The following ATG10 variants were observed in gnomAD, a reference collection of about 807,000 sequenced individuals.
The protein encoded by ATG10 is ubiquitin-like-conjugating enzyme ATG10.
Under a neutral mutation model 32.1 loss-of-function variants are expected in ATG10, and 30 were observed. That is an observed-to-expected ratio of 0.94 (90% confidence interval 0.70 to 1.27). The LOEUF is 1.27. Among genes scored for constraint, ATG10 ranks in the 50% most tolerant of loss-of-function variants. ATG10 has a pLI of 0.00. For synonymous variants in ATG10, 87 were observed against 91.5 expected, an observed-to-expected ratio of 0.95 and a Z score of 0.28; for missense variants, 233 against 262.3, an observed-to-expected ratio of 0.89 and a Z score of 0.77.
At chr5:82,118,847 A>G (rs902227272) in intron 3 of ATG10, among the ~76,000 whole-genome samples, 7 of 152,164 alleles carry the variant, frequency 4.6e-5, no homozygotes, top group Non-Finnish European at 1.0e-4. Context: ...GGAGCTAACA[A>G]AGCAACTGAG....
chr5:82,104,094 A>T (rs897663095), intron 3 of ATG10, among the ~76,000 whole-genome samples: 2 of 152,096 alleles, frequency 1.3e-5, no homozygotes, highest in Non-Finnish European at 2.9e-5. Context: ...CTACAAAATG[A>T]TAGATGTTTA....
In ATG10 at chr5:81,972,306, G is replaced by T. The variant is rs1476303387; in HGVS notation, c.-13G>T. On this transcript the variant is annotated splice_region_variant and 5_prime_UTR_variant, in exon 1 of 8. Coordinates refer to ENST00000282185, the MANE Select transcript of ATG10 (RefSeq NM_031482.5). ...CGGGGTCAGGGGCCGAGCGGAGAGG[G>T]GTGAGTATTCCCCACAGCCCTTGCC... The T allele has an allele frequency of 3.9e-5, 6 of 152,434 alleles. No homozygotes were observed. Among genetic ancestry groups the T allele is most frequent in the African/African-American group, 1.4e-4 (6 of 41,460 alleles). 9.4% of individuals were successfully genotyped at this position (152,434 alleles called of 1,614,324 possible). A position where few individuals can be genotyped will look rare whatever the true frequency, so the allele number is the denominator to read the frequency against.
At chr5:81,993,042 T>G (rs1189546046) in intron 2 of ATG10, among the ~76,000 whole-genome samples, 1 of 152,174 alleles carries the variant, frequency 6.6e-6, no homozygotes, top group African/African-American at 2.4e-5. Context: ...GTTACACCCA[T>G]TGTTTACCAT....
At chr5:82,078,224 G>T (rs1764343197) in intron 3 of ATG10, among the ~76,000 whole-genome samples, 1 of 152,086 alleles carries the variant, frequency 6.6e-6, no homozygotes, top group African/African-American at 2.4e-5. Context: ...TGCAGTAAAG[G>T]CTTTTAGTAC....
chr5:81,998,609 G>T (rs1761737228), intron 2 of ATG10, among the ~76,000 whole-genome samples: 1 of 152,118 alleles, frequency 6.6e-6, no homozygotes, highest in Non-Finnish European at 1.5e-5. Context: ...GGGTAAAGAA[G>T]CAAGACCCAA....
intron 1 of ATG10, 118 bp downstream of exon 1, chr5:81,972,424 C>T (rs571047243): frequency 3.9e-5 from 6 of 152,510 alleles, no homozygotes; most frequent in African/African-American, 1.4e-4. Context: ...GGAAACAGCC[C>T]AGTCCTGAAC....
intron 2 of ATG10, among the ~76,000 whole-genome samples, chr5:82,055,369 A>G (rs1719203585): frequency 6.6e-6 from 1 of 152,140 alleles, no homozygotes; most frequent in Non-Finnish European, 1.5e-5. Context: ...GTATTATTGA[A>G]AGTGACATAT....
chr5:82,127,446 T>G (rs1048029698), intron 3 of ATG10, among the ~76,000 whole-genome samples: 3 of 152,188 alleles, frequency 2.0e-5, no homozygotes, highest in Admixed American at 1.3e-4. Context: ...CTCTAAGCAC[T>G]GCTTTAGTTG....
intron 2 of ATG10, among the ~76,000 whole-genome samples, chr5:82,003,789 A>G (rs950901131): frequency 5.9e-5 from 9 of 152,246 alleles, no homozygotes; most frequent in African/African-American, 2.2e-4. Flanking sequence ...TGGTAACCAA[A>G]TAGCCTGATT....
intron 4 of ATG10, among the ~76,000 whole-genome samples, chr5:82,173,157 G>A (rs1743868190): frequency 6.6e-6 from 1 of 152,068 alleles, no homozygotes; most frequent in Non-Finnish European, 1.5e-5. Flanking sequence ...TTCATTTTAG[G>A]AGTTAAAAAA....
At chr5:82,197,510 A>G (rs1384714947) in intron 5 of ATG10, among the ~76,000 whole-genome samples, 1 of 151,820 alleles carries the variant, frequency 6.6e-6, no homozygotes, top group Non-Finnish European at 1.5e-5. Context: ...CTGCCTATCT[A>G]CCTATCTGTC....
At chr5:82,103,992 A>G (rs923490237) in intron 3 of ATG10, among the ~76,000 whole-genome samples, 2 of 152,160 alleles carry the variant, frequency 1.3e-5, no homozygotes, top group African/African-American at 2.4e-5. Context: ...TTTTGTTTGT[A>G]AAATTCATCA....
At chr5:81,975,255 G>C (rs1480447153) in intron 1 of ATG10, among the ~76,000 whole-genome samples, 2 of 152,116 alleles carry the variant, frequency 1.3e-5, no homozygotes, top group African/African-American at 4.8e-5. Flanking sequence ...ATTATTCTCT[G>C]ATGTTCTTTT....
At chr5:82,238,727 C>A (rs1405360112) in intron 5 of ATG10, among the ~76,000 whole-genome samples, 1 of 152,092 alleles carries the variant, frequency 6.6e-6, no homozygotes, top group Non-Finnish European at 1.5e-5. Flanking sequence ...ATCTTACCCA[C>A]AATAAGTATT....
At chr5:82,109,591 A>G (rs1019507106) in intron 3 of ATG10, among the ~76,000 whole-genome samples, 1 of 151,854 alleles carries the variant, frequency 6.6e-6, no homozygotes, top group African/African-American at 2.4e-5. Context: ...TATGAGAGAA[A>G]AAAATCACTA....
chr5:82,221,228 T>C (rs1284117405), intron 5 of ATG10, among the ~76,000 whole-genome samples: 1 of 152,136 alleles, frequency 6.6e-6, no homozygotes, highest in East Asian at 1.9e-4. Context: ...TTTCTCTCTT[T>C]AGCATTCCCA....
At chr5:82,106,681 C>G (rs902960042) in intron 3 of ATG10, among the ~76,000 whole-genome samples, 3 of 152,000 alleles carry the variant, frequency 2.0e-5, no homozygotes, top group Non-Finnish European at 4.4e-5. Flanking sequence ...GTATCATTTT[C>G]TTAACAATGG....
At chr5:82,113,682 G>A (rs549431470) in intron 3 of ATG10, among the ~76,000 whole-genome samples, 2 of 151,638 alleles carry the variant, frequency 1.3e-5, no homozygotes, top group Admixed American at 6.6e-5. Flanking sequence ...AAATTAATTG[G>A]TTTTTTTGCT....
rs1428732526 is a variant in ATG10, at chr5:82,178,626, G to T, written c.453+39G>T. On this transcript the variant is annotated intron_variant, in intron 5 of 7. Transcript: ENST00000282185. ...GTCATTTTATTGTATGCATGTTATT[G>T]TATTCTTTCCCGCTGCTCATCTTTT... 16 of 1,332,568 alleles carry T rather than the reference G, an allele frequency of 1.2e-5. No individual in the cohort carries two copies. The Admixed American group carries it at 1.9e-4, about 16-fold the overall frequency. The allele number at this position is 1,332,568 out of a possible 1,614,324, so 82.5% of individuals were successfully genotyped here. A position where few individuals can be genotyped will look rare whatever the true frequency, so the allele number is the denominator to read the frequency against.
Sources: gnomAD v4.1 joint callset for allele counts (sites outside exome capture counted in the v4.1 genomes callset) on GRCh38, gnomAD v4.1.1 for gene constraint, MANE v1.5 for transcripts, NCBI Gene and HGNC (gene_info 2026-07-23, HGNC 2026-07-21) for gene names.